PER2: variants seen among roughly 807,000 people sequenced by gnomAD.
PER2 encodes the protein period circadian protein homolog 2.
Under a neutral mutation model 121.0 loss-of-function variants are expected in PER2, and 66 were observed. That is an observed-to-expected ratio of 0.55 (90% CI 0.45 to 0.67). PER2 has a LOEUF of 0.67. Among genes scored for constraint, PER2 ranks in the 30% least tolerant of loss-of-function variants. The pLI is 0.00. For missense variants in PER2, 1,521 were observed against 1,635.0 expected, an observed-to-expected ratio of 0.93 and a Z score of 1.20; for synonymous variants, 684 against 659.9, an observed-to-expected ratio of 1.04 and a Z score of -0.56.
rs1696176635 is a variant in PER2 at position 238,268,347 on chromosome 2, T to G, written c.825-149A>C. ...GAGCTGGGCCTGCCCCCTGCCCTCTTCGGTCCCTCCCTCAGTCCCATCATA... is the reference window on the plus strand; with the variant it reads ...GAGCTGGGCCTGCCCCCTGCCCTCTGCGGTCCCTCCCTCAGTCCCATCATA... On this transcript the variant is annotated intron_variant, in intron 7 of 22. Transcript: ENST00000254657. The surrounding 1 kb of genome is among the most constrained non-coding windows in gnomAD (Gnocchi z 4.0). 19 of 801,382 alleles carry G rather than the reference T, an allele frequency of 2.4e-5. No individual in the cohort carries two copies. The South Asian group carries it at 2.5e-4, about 10-fold the overall frequency. 49.6% of individuals were successfully genotyped at this position (801,382 alleles called of 1,614,324 possible). A position where few individuals can be genotyped will look rare whatever the true frequency, so the allele number is the denominator to read the frequency against.
In PER2 at chr2:238,244,295, C is replaced by T. The variant is rs977320193; in HGVS notation, c.*2080G>A. 6.6e-6 allele frequency: 1 copy of T among 152,582 alleles called. No individual in the cohort carries two copies. The highest frequency in any genetic ancestry group is 2.4e-5 in the African/African-American group (1 of 41,456). 9.5% of individuals were successfully genotyped at this position (152,582 alleles called of 1,614,324 possible). A position where few individuals can be genotyped will look rare whatever the true frequency, so the allele number is the denominator to read the frequency against. On this transcript the variant is annotated 3_prime_UTR_variant, in exon 23 of 23. Coordinates refer to ENST00000254657, the MANE Select transcript of PER2 (RefSeq NM_022817.3). The stretch of plus-strand genomic sequence containing the variant: ...AAACTGTTTAACACCTGTGTAAGCA[C>T]ACACACTAAAGAAAACATGACTTGA...
At chr2:238,249,276 T>G in intron 21 of PER2, 64 bp from the exon 22 acceptor site, 5 of 1,470,024 alleles carry the variant, frequency 3.4e-6, no homozygotes, top group Non-Finnish European at 4.7e-6. Context: ...TTTTTATTCT[T>G]TCAGAATAAT....
intron 20 of PER2, among the ~76,000 whole-genome samples, chr2:238,251,255 G>A (rs1695589059): frequency 6.6e-6 from 1 of 152,226 alleles, no homozygotes; most frequent in South Asian, 2.1e-4. Context: ...GCGGGTAGAG[G>A]CTTGCAGGTG....
intron 1 of PER2, among the ~76,000 whole-genome samples, chr2:238,284,156 G>A (rs1005482572): frequency 2.0e-5 from 3 of 152,126 alleles, no homozygotes; most frequent in Non-Finnish European, 4.4e-5. Context: ...CAGAAAAACA[G>A]ACGGCGGCTG....
At chr2:238,286,304 C>T (rs1006127693) in intron 1 of PER2, among the ~76,000 whole-genome samples, 3 of 152,060 alleles carry the variant, frequency 2.0e-5, no homozygotes, top group Non-Finnish European at 2.9e-5. Flanking sequence ...CCTTCGAGGC[C>T]GGTGAGGGTT....
chr2:238,257,434 C>A (rs887389369), intron 16 of PER2, among the ~76,000 whole-genome samples: 5 of 152,158 alleles, frequency 3.3e-5, no homozygotes, highest in Non-Finnish European at 7.4e-5. Context: ...AGGGGCTTTC[C>A]GACAGTCAGG....
At chr2:238,261,196 C>T (rs1695918421) in intron 12 of PER2, among the ~76,000 whole-genome samples, 1 of 152,220 alleles carries the variant, frequency 6.6e-6, no homozygotes, top group African/African-American at 2.4e-5. Flanking sequence ...AGGAATGTGT[C>T]CAACCCGCTC....
Position 238,245,838 on chromosome 2 carries a change from A to T in PER2, c.*537T>A, listed in dbSNP as rs1042801193. ...GCCAAACAACGCTTCACACCATTTA[A>T]TGTGAAACGTTTTGAAATAAAACTA... On this transcript the variant is annotated 3_prime_UTR_variant, in exon 23 of 23. Transcript: ENST00000254657. The T allele has an allele frequency of 2.0e-5, 8 of 395,034 alleles. No homozygotes were observed. The highest frequency in any genetic ancestry group is 3.6e-5 in the Non-Finnish European group (8 of 224,442). 24.5% of individuals were successfully genotyped at this position (395,034 alleles called of 1,614,324 possible). A position where few individuals can be genotyped will look rare whatever the true frequency, so the allele number is the denominator to read the frequency against.
At position 238,261,856 on chromosome 2, in the gene PER2, T is replaced by A; in HGVS notation, c.1308-19A>T. ...AGGGCCCCTGCGTGGTTTTAATTCA[T>A]CTTGTTAGATGGGGCCCCACAGGAG... On this transcript the variant is annotated intron_variant, in intron 11 of 22. Transcript: ENST00000254657. 6.5e-7 allele frequency: 1 copy of A among 1,532,948 alleles called. No homozygotes were observed. Among genetic ancestry groups the A allele is most frequent in the Non-Finnish European group, 8.9e-7 (1 of 1,129,760 alleles). 95.0% of individuals were successfully genotyped at this position (1,532,948 alleles called of 1,614,324 possible). A position where few individuals can be genotyped will look rare whatever the true frequency, so the allele number is the denominator to read the frequency against.
At chr2:238,264,355 C>A (rs562789342) in intron 9 of PER2, among the ~76,000 whole-genome samples, 66 of 152,342 alleles carry the variant, frequency 4.3e-4, no homozygotes, top group African/African-American at 1.5e-3. Context: ...CCCAGGCAGC[C>A]CCGCGGACAC....
rs547418171 is a variant in PER2, at chr2:238,261,137, G to A, written c.1417-184C>T. ...TCCAGAGGTAGACTCCTGGCCTCCA[G>A]CCGCGGTGCCCCGACCCAGACATGC... On this transcript the variant is annotated intron_variant, in intron 12 of 22. Coordinates refer to ENST00000254657, the MANE Select transcript of PER2 (RefSeq NM_022817.3). Among the ~76,000 whole-genome samples, 3 of 152,376 alleles carry A rather than the reference G, an allele frequency of 2.0e-5. No individual in the cohort carries two copies. The South Asian group carries it at 6.2e-4, about 32-fold the overall frequency.
chr2:238,259,322 G>C (rs1695855628), intron 14 of PER2, among the ~76,000 whole-genome samples: 1 of 152,242 alleles, frequency 6.6e-6, no homozygotes, highest in Admixed American at 6.5e-5. Flanking sequence ...TGGGATGCAT[G>C]CATGTGTGCA....
chr2:238,255,764 TCCTCCTTCTGTGTGTGTGCAGCGAGTA>T lies in PER2; in HGVS notation c.2186_2212del (p.Val729_Glu737del). ...TTTGAACTTCTGCAGGAAGCTCTGC[TCCTCCTTCTGTGTGTGTGCAGCGAGTA>T]CCTCCTTGGTGAGGCCCAGCTTCTT... On this transcript the variant is annotated inframe_deletion, in exon 18 of 23. Coordinates refer to ENST00000254657, the MANE Select transcript of PER2 (RefSeq NM_022817.3). The T allele has an allele frequency of 6.2e-7, 1 of 1,614,214 alleles. No individual in the cohort carries two copies. The highest frequency in any genetic ancestry group is 8.5e-7 in the Non-Finnish European group (1 of 1,180,028).
At chr2:238,266,187 G>A (rs541063156) in intron 8 of PER2, among the ~76,000 whole-genome samples, 6 of 152,190 alleles carry the variant, frequency 3.9e-5, no homozygotes, top group Non-Finnish European at 5.9e-5. Flanking sequence ...ACAGGCGTGA[G>A]CCACTGCGCC....
chr2:238,262,199 T>A lies in PER2; in HGVS notation c.1299A>T (p.Lys433Asn). Residue 433 changes from lysine to asparagine, a missense_variant, in exon 11 of 23, where the codon AAA becomes AAT. Physicochemically the swap from Lys to Asn is moderately conservative, Grantham distance 94. Coordinates refer to ENST00000254657, the MANE Select transcript of PER2 (RefSeq NM_022817.3). ...GCCCTTGGAGCACTCACACCCTGAC[T>A]TTGTGCCTCCCAATGATGAAGGAGA... is the stretch of plus-strand genomic sequence containing the variant. ...RKISFIIGRH[K>N]VRVGPLNEDV... The A allele has an allele frequency of 1.9e-6, 3 of 1,613,758 alleles. No individual in the cohort carries two copies. The highest frequency in any genetic ancestry group is 2.5e-6 in the Non-Finnish European group (3 of 1,179,998).
At chr2:238,272,987 C>A in intron 5 of PER2, 83 bp downstream of exon 5, 1 of 1,316,976 alleles carries the variant, frequency 7.6e-7, no homozygotes, top group Middle Eastern at 2.0e-4. Flanking sequence ...TGCCTTACAG[C>A]CACCGGCCGC....
At chr2:238,271,956 C>T (rs537082863) in intron 5 of PER2, among the ~76,000 whole-genome samples, 98 of 152,258 alleles carry the variant, frequency 6.4e-4, no homozygotes, top group African/African-American at 2.1e-3. Flanking sequence ...CTTCTCCACA[C>T]ACAGAAACAT....
rs767640356 is a variant in PER2, at chr2:238,258,504, C to T, written c.1768G>A (p.Val590Ile). The T allele has an allele frequency of 1.4e-5, 22 of 1,614,048 alleles. No homozygotes were observed. The highest frequency in any genetic ancestry group is 9.3e-5 in the African/African-American group (7 of 74,912). Residue 590 changes from valine (V) to isoleucine (I), a missense_variant, in exon 15 of 23, where the codon GTC becomes ATC. Physicochemically the swap from Val to Ile is conservative, Grantham distance 29. Transcript: ENST00000254657. ...CTGGAAATGCCGGCATACCTGATGA[C>T]GCTGTCCAAGCAGCTGATCTGCTGG... ...SYQQISCLDSVIRYLESCNEA... is the reference protein window; with the variant it reads ...SYQQISCLDSIIRYLESCNEA...
rs1271022069 is a variant in PER2 at position 238,252,221 on chromosome 2, C to T, written c.3112-460G>A. On this transcript the variant is annotated intron_variant, in intron 19 of 22. Transcript: ENST00000254657. This position sits in a 1 kb window ranked among gnomAD's most constrained non-coding sequence, Gnocchi z 4.2. Reference sequence around the variant, plus strand: ...GACTGCAGGCCCAGGACTCCAGAAGCAGGAGCCCGGAGGTGGCAGGAGGAC... The same window carrying T: ...GACTGCAGGCCCAGGACTCCAGAAGTAGGAGCCCGGAGGTGGCAGGAGGAC... 6.6e-6 allele frequency among the ~76,000 whole-genome samples: 1 copy of T among 152,198 alleles called. No homozygotes were observed. Among genetic ancestry groups the T allele is most frequent in the African/African-American group, 2.4e-5 (1 of 41,438 alleles).
Sources: gnomAD v4.1 joint callset for allele counts (sites outside exome capture counted in the v4.1 genomes callset) on GRCh38, gnomAD v4.1.1 for gene constraint, Gnocchi (gnomAD v3.1) non-coding constraint, MANE v1.5 for transcripts, NCBI Gene and HGNC (gene_info 2026-07-23, HGNC 2026-07-21) for gene names.